TMEM233: variants seen among roughly 807,000 people sequenced by gnomAD.
The protein encoded by TMEM233 is transmembrane protein 233, also known as dispanin subfamily B member 2.
Under a neutral mutation model 11.2 loss-of-function variants are expected in TMEM233, and 6 were observed. The ratio of observed to expected loss-of-function variants is 0.54; its 90% CI spans 0.29 to 1.06. The LOEUF (loss-of-function observed/expected upper bound fraction) is 1.06. TMEM233 is among the 50% of genes least tolerant of loss of function. The probability of loss-of-function intolerance (pLI) is 0.08; values close to 1 mark genes in which losing one functional copy is unlikely to be tolerated. For missense variants in TMEM233, 127 were observed against 144.7 expected, an observed-to-expected ratio of 0.88 and a Z score of 0.63; for synonymous variants, 59 against 55.8, an observed-to-expected ratio of 1.06 and a Z score of -0.26.
chr12:119,605,012 T>TTTTC, intron 1 of TMEM233, among the ~76,000 whole-genome samples: 1 of 151,588 alleles, frequency 6.6e-6, no homozygotes, highest in African/African-American at 2.4e-5. Context: ...TTTTTTTTTT[T>TTTTC]GCCACGGGTG....
At chr12:119,624,413 A>G (rs1954708668) in intron 1 of TMEM233, among the ~76,000 whole-genome samples, 1 of 152,146 alleles carries the variant, frequency 6.6e-6, no homozygotes. Context: ...TCAGCCATCT[A>G]TCAACAGCTG....
chr12:119,609,743 G>GT (rs1954356873), intron 1 of TMEM233, among the ~76,000 whole-genome samples: 1 of 152,236 alleles, frequency 6.6e-6, no homozygotes, highest in Non-Finnish European at 1.5e-5. Flanking sequence ...AAGAATTGAG[G>GT]TTTGGGAACC....
chr12:119,599,120 A>C (rs375866314), intron 1 of TMEM233, among the ~76,000 whole-genome samples: 1 of 152,254 alleles, frequency 6.6e-6, no homozygotes, highest in Non-Finnish European at 1.5e-5. Flanking sequence ...AACACATACA[A>C]ATAAGCAAAG....
intron 2 of TMEM233, chr12:119,634,168 G>A: frequency 1.3e-6 from 1 of 771,514 alleles, no homozygotes; most frequent in Non-Finnish European, 1.6e-6. Flanking sequence ...GAATGAAGTT[G>A]CCACCTAGCA....
chr12:119,627,794 G>A (rs1954794222), intron 1 of TMEM233, among the ~76,000 whole-genome samples: 1 of 152,114 alleles, frequency 6.6e-6, no homozygotes, highest in Non-Finnish European at 1.5e-5. Context: ...GCTGAAACAG[G>A]GAAAAGGCAC....
the TMEM233 span, among the ~76,000 whole-genome samples, chr12:119,649,247 G>T: frequency 2.0e-5 from 3 of 152,014 alleles, no homozygotes; most frequent in Non-Finnish European, 2.9e-5. Flanking sequence ...GCAGTGAGCC[G>T]AGATTGTGCC....
At chr12:119,651,825 CAAAAAAAAAAAAA>C in the TMEM233 span, among the ~76,000 whole-genome samples, 2 of 79,420 alleles carry the variant, frequency 2.5e-5, no homozygotes, top group African/African-American at 5.2e-5. Flanking sequence ...GACTCCGTCT[CAAAAAAAAAAAAA>C]AAAAAAAAAA....
rs887229236 is a variant in TMEM233, at chr12:119,595,068, C to G, written c.186+1034C>G. On this transcript the variant is annotated intron_variant, in intron 1 of 2. Coordinates refer to ENST00000426426, the MANE Select transcript of TMEM233 (RefSeq NM_001136534.3). This position sits in a 1 kb window ranked among gnomAD's most constrained non-coding sequence, Gnocchi z 4.3. Reference sequence around the variant, plus strand: ...GTGGCCGCTGGGGCCTCTAGTCCGCCCTTCCGGAGCTCAGCTCCCTAGCCC... The same window carrying G: ...GTGGCCGCTGGGGCCTCTAGTCCGCGCTTCCGGAGCTCAGCTCCCTAGCCC... Among the ~76,000 whole-genome samples, 1 of 152,224 alleles carries G rather than the reference C, an allele frequency of 6.6e-6. No homozygotes were observed. Among genetic ancestry groups the G allele is most frequent in the African/African-American group, 2.4e-5 (1 of 41,476 alleles).
At chr12:119,623,846 G>A (rs1280641224) in intron 1 of TMEM233, among the ~76,000 whole-genome samples, 2 of 152,206 alleles carry the variant, frequency 1.3e-5, no homozygotes, top group African/African-American at 4.8e-5. Context: ...ATTTACAGAT[G>A]AGGGCACTAA....
the TMEM233 span, among the ~76,000 whole-genome samples, chr12:119,653,274 C>T: frequency 2.0e-5 from 3 of 151,630 alleles, no homozygotes; most frequent in Non-Finnish European, 2.9e-5. Flanking sequence ...CATCTGTACT[C>T]CCAGCTGCTT....
chr12:119,621,228 C>T (rs1354067534), intron 1 of TMEM233, among the ~76,000 whole-genome samples: 1 of 152,090 alleles, frequency 6.6e-6, no homozygotes, highest in Non-Finnish European at 1.5e-5. Flanking sequence ...TTTGTAGATA[C>T]AGGGTCTCCC....
intron 1 of TMEM233, among the ~76,000 whole-genome samples, chr12:119,626,330 C>T (rs1370697309): frequency 2.6e-5 from 4 of 151,786 alleles, no homozygotes; most frequent in African/African-American, 4.8e-5. Flanking sequence ...ATTTGCCACG[C>T]GTGGTGGCAG....
At chr12:119,619,253 C>T (rs1377975470) in intron 1 of TMEM233, among the ~76,000 whole-genome samples, 1 of 152,150 alleles carries the variant, frequency 6.6e-6, no homozygotes, top group Non-Finnish European at 1.5e-5. Context: ...AACCTCTTTC[C>T]TTTATAAATT....
the TMEM233 span, among the ~76,000 whole-genome samples, chr12:119,652,147 A>G: frequency 4.6e-5 from 7 of 152,232 alleles, no homozygotes; most frequent in African/African-American, 1.2e-4. Context: ...GTGTAAAGGT[A>G]TGTACCCTTG....
intron 1 of TMEM233, among the ~76,000 whole-genome samples, chr12:119,613,629 C>G (rs902330391): frequency 1.3e-5 from 2 of 152,048 alleles, no homozygotes; most frequent in Non-Finnish European, 2.9e-5. Flanking sequence ...GCCTGGGCAA[C>G]ATAGCAAGAC....
Position 119,614,430 on chromosome 12 carries a change from G to C in TMEM233, c.187-15306G>C, listed in dbSNP as rs1418934845. Among the ~76,000 whole-genome samples the C allele has an allele frequency of 2.6e-5, 4 of 151,886 alleles. No individual in the cohort carries two copies. The East Asian group carries it at 7.7e-4, about 29-fold the overall frequency. On this transcript the variant is annotated intron_variant, in intron 1 of 2. Transcript: ENST00000426426. ...TCTCAACGAGAGAGAGAGAGAGAGA[G>C]AGAGAGGCAAGAACAAAGAAAATGA...
At chr12:119,624,227 G>A (rs1025692122) in intron 1 of TMEM233, among the ~76,000 whole-genome samples, 8 of 151,824 alleles carry the variant, frequency 5.3e-5, no homozygotes, top group Non-Finnish European at 1.2e-4. Context: ...GGGTGTGGTG[G>A]TATGCACCTG....
intron 1 of TMEM233, among the ~76,000 whole-genome samples, chr12:119,623,673 G>A (rs745806734): frequency 1.3e-5 from 2 of 152,112 alleles, no homozygotes; most frequent in African/African-American, 4.8e-5. Flanking sequence ...AGAAGATTCT[G>A]GTACACCCCA....
chr12:119,649,155 G>A, the TMEM233 span, among the ~76,000 whole-genome samples: 3 of 152,036 alleles, frequency 2.0e-5, no homozygotes, highest in Admixed American at 6.6e-5. Flanking sequence ...AAAATTAGCC[G>A]AGAGTGGTGG....
Sources: allele counts gnomAD v4.1 joint callset (sites outside exome capture counted in the v4.1 genomes callset), GRCh38; gene constraint gnomAD v4.1.1; non-coding constraint Gnocchi (gnomAD v3.1); transcripts MANE v1.5; gene names NCBI Gene and HGNC (gene_info 2026-07-23, HGNC 2026-07-21).